Variants in NSUN6 observed in about 807,000 individuals in gnomAD.
NSUN6 encodes the protein NOP2/Sun RNA methyltransferase 6, also known as tRNA (cytosine(72)-C(5))-methyltransferase NSUN6.
Under a neutral mutation model 58.0 loss-of-function variants are expected in NSUN6, and 64 were observed. That is an observed-to-expected ratio of 1.10 (90% CI 0.90 to 1.36). The LOEUF (loss-of-function observed/expected upper bound fraction) is 1.36, where lower values mean the gene tolerates loss of function less well. Ranked by LOEUF, NSUN6 falls within the 40% of genes most tolerant of loss-of-function variation. The pLI is 0.00. For missense variants in NSUN6, 701 were observed against 550.1 expected (o/e 1.27, Z -2.74); for synonymous variants, 231 against 193.9 (o/e 1.19, Z -1.59).
intron 6 of NSUN6, among the ~76,000 whole-genome samples, chr10:18,602,585 G>C (rs1344320463): frequency 6.6e-6 from 1 of 151,970 alleles, no homozygotes; most frequent in African/African-American, 2.4e-5. Flanking sequence ...GGCCAGGCTG[G>C]TCTCGAACTC....
At chr10:18,554,647 C>G (rs1198062624) in intron 8 of NSUN6, among the ~76,000 whole-genome samples, 3 of 144,854 alleles carry the variant, frequency 2.1e-5, no homozygotes, top group African/African-American at 7.7e-5. Context: ...GAGAATGTAA[C>G]AGATGGAGAA....
At chr10:18,616,437 T>C (rs941154397) in intron 3 of NSUN6, 144 bp from the exon 4 acceptor site, 8 of 513,460 alleles carry the variant, frequency 1.6e-5, no homozygotes, top group Non-Finnish European at 2.7e-5. Context: ...GAGGCATACA[T>C]ATAGAGGAAA....
intron 6 of NSUN6, among the ~76,000 whole-genome samples, chr10:18,603,468 C>CTTTT (rs1465029374): frequency 1.3e-5 from 2 of 149,606 alleles, no homozygotes. Context: ...TTTTTCTTTT[C>CTTTT]TTTTCTTTTC....
chr10:18,552,608 C>T (rs2054675202), intron 8 of NSUN6, among the ~76,000 whole-genome samples: 1 of 151,980 alleles, frequency 6.6e-6, no homozygotes, highest in Non-Finnish European at 1.5e-5. Context: ...CCAAGATTTC[C>T]ATTCCATTCC....
intron 8 of NSUN6, among the ~76,000 whole-genome samples, chr10:18,571,813 G>T (rs970129834): frequency 7.2e-6 from 1 of 139,802 alleles, no homozygotes; most frequent in Non-Finnish European, 1.5e-5. Flanking sequence ...CCATTACACT[G>T]CATTCCATTC....
intron 8 of NSUN6, among the ~76,000 whole-genome samples, chr10:18,565,262 G>T (rs117474518): frequency 1.5e-5 from 2 of 129,480 alleles, no homozygotes; most frequent in South Asian, 4.5e-4. Context: ...TTCCATTCCA[G>T]TTCATTCCGT....
At chr10:18,547,622 T>C (rs1589803828) in intron 10 of NSUN6, among the ~76,000 whole-genome samples, 3 of 152,310 alleles carry the variant, frequency 2.0e-5, no homozygotes, top group Admixed American at 2.0e-4. Context: ...AAAGAAAGTA[T>C]AGCAAAGCTT....
chr10:18,586,108 AAC>A lies in NSUN6; in HGVS notation c.778-17_778-16del. On this transcript the variant is annotated splice_polypyrimidine_tract_variant and intron_variant, in intron 7 of 10. Transcript: ENST00000377304. ...ATAACTTCTCCCTAAAAAGAAACAA[AAC>A]ACACACATGCAGAAAAAAAAAAAGA... is the stretch of plus-strand genomic sequence containing the variant. 1.9e-6 allele frequency: 3 copies of A among 1,545,394 alleles called. No individual in the cohort carries two copies. Among genetic ancestry groups the A allele is most frequent in the African/African-American group, 1.4e-5 (1 of 71,400 alleles).
At chr10:18,593,233 G>C (rs371117608) in intron 7 of NSUN6, among the ~76,000 whole-genome samples, 1 of 152,200 alleles carries the variant, frequency 6.6e-6, no homozygotes, top group African/African-American at 2.4e-5. Context: ...GGAGAAATAG[G>C]AGAAATAGCC....
intron 8 of NSUN6, among the ~76,000 whole-genome samples, chr10:18,557,278 G>A (rs1286856797): frequency 6.6e-6 from 1 of 151,478 alleles, no homozygotes; most frequent in Non-Finnish European, 1.5e-5. Context: ...AGAATGCTAT[G>A]GAATGCAGTG....
At chr10:18,586,159 T>TAAA in intron 7 of NSUN6, 66 bp from the exon 8 acceptor site, 1 of 1,279,278 alleles carries the variant, frequency 7.8e-7, no homozygotes, top group Non-Finnish European at 1.1e-6. Context: ...AAAGCAGTCA[T>TAAA]AAAAATAATG....
intron 4 of NSUN6, among the ~76,000 whole-genome samples, chr10:18,615,681 A>C (rs1473502120): frequency 1.3e-5 from 2 of 152,204 alleles, no homozygotes; most frequent in Non-Finnish European, 2.9e-5. Flanking sequence ...TACGTTTTCT[A>C]CAGATGAAAG....
chr10:18,621,304 G>C (rs987343568), intron 3 of NSUN6, among the ~76,000 whole-genome samples: 5 of 152,178 alleles, frequency 3.3e-5, no homozygotes, highest in African/African-American at 9.6e-5. Flanking sequence ...CTGGAAGCTT[G>C]TGATGGTTTT....
upstream of NSUN6, among the ~76,000 whole-genome samples, chr10:18,657,287 A>C (rs955916412): frequency 1.3e-5 from 2 of 152,216 alleles, no homozygotes; most frequent in African/African-American, 2.4e-5. Context: ...TAGATTTCCA[A>C]ATCAGCAAAC....
intron 3 of NSUN6, among the ~76,000 whole-genome samples, chr10:18,626,206 T>C (rs967533962): frequency 4.7e-5 from 7 of 150,202 alleles, no homozygotes; most frequent in Non-Finnish European, 8.9e-5. Flanking sequence ...ACTTGGGAAA[T>C]AACAATGTTA....
At chr10:18,558,511 A>G (rs1437860325) in intron 8 of NSUN6, among the ~76,000 whole-genome samples, 1 of 147,968 alleles carries the variant, frequency 6.8e-6, no homozygotes, top group Non-Finnish European at 1.5e-5. Flanking sequence ...TGGAGAAAGG[A>G]ATAGAATATG....
At chr10:18,573,857 G>A (rs2056516675) in intron 8 of NSUN6, among the ~76,000 whole-genome samples, 1 of 152,088 alleles carries the variant, frequency 6.6e-6, no homozygotes. Flanking sequence ...ACAAGAACTC[G>A]GGAAATTTTT....
At chr10:18,587,814 C>T (rs1279451921) in intron 7 of NSUN6, among the ~76,000 whole-genome samples, 1 of 152,070 alleles carries the variant, frequency 6.6e-6, no homozygotes, top group Non-Finnish European at 1.5e-5. Flanking sequence ...TGAGCCTACA[C>T]ATGGGCCCTG....
intron 3 of NSUN6, among the ~76,000 whole-genome samples, chr10:18,632,550 C>A (rs375418095): frequency 1.9e-4 from 29 of 151,318 alleles, no homozygotes; most frequent in East Asian, 5.8e-4. Context: ...AACTCAAACA[C>A]ATTTACAAGA....
Sources: allele counts gnomAD v4.1 joint callset (sites outside exome capture counted in the v4.1 genomes callset), GRCh38; gene constraint gnomAD v4.1.1; transcripts MANE v1.5; gene names NCBI Gene and HGNC (gene_info 2026-07-23, HGNC 2026-07-21).